Variants in DENND5B observed in about 807,000 individuals in gnomAD.
The protein encoded by DENND5B is DENN domain-containing protein 5B.
A neutral mutation model predicts 140.6 loss-of-function variants in DENND5B; 34 were observed. The observed-to-expected ratio is 0.24, with a 90% CI of 0.18 to 0.32. The LOEUF (loss-of-function observed/expected upper bound fraction) is 0.32, where lower values mean the gene tolerates loss of function less well. Ranked by LOEUF, DENND5B falls within the 10% of genes least tolerant of loss-of-function variation. The pLI, the probability that DENND5B is intolerant of heterozygous loss-of-function variation, is 1.00. For missense variants in DENND5B, 1,142 were observed against 1,560.2 expected, an observed-to-expected ratio of 0.73 and a Z score of 4.52; for synonymous variants, 551 against 562.1, an observed-to-expected ratio of 0.98 and a Z score of 0.28.
intron 5 of DENND5B, among the ~76,000 whole-genome samples, chr12:31,448,614 C>T (rs61930288): frequency 6.6e-6 from 1 of 152,184 alleles, no homozygotes; most frequent in African/African-American, 2.4e-5. Context: ...CTTTTCTAGA[C>T]TCTTTAACTC....
rs201870551 is a variant in DENND5B, at chr12:31,411,661, G to GA, written c.2681+1774dup. Reference sequence around the variant, plus strand: ...CCCAGCCAATAACTTTTTGTAATTGGAAAAAAAAACCACGCCAGTTTTAAG... The same window carrying GA: ...CCCAGCCAATAACTTTTTGTAATTGGAAAAAAAAAACCACGCCAGTTTTAAG... On this transcript the variant is annotated intron_variant, in intron 13 of 20. Transcript: ENST00000389082. 7.4e-5 allele frequency among the ~76,000 whole-genome samples: 11 copies of GA among 149,210 alleles called. No homozygotes were observed. The East Asian group carries it at 7.9e-4, about 11-fold the overall frequency.
intron 1 of DENND5B, among the ~76,000 whole-genome samples, chr12:31,580,273 T>C (rs976219206): frequency 6.6e-6 from 1 of 152,148 alleles, no homozygotes; most frequent in Non-Finnish European, 1.5e-5. Flanking sequence ...TGCTTGCATA[T>C]ACCTGGTAAA....
intron 14 of DENND5B, among the ~76,000 whole-genome samples, chr12:31,403,380 CTTTTT>C: frequency 7.6e-6 from 1 of 132,062 alleles, no homozygotes; most frequent in Non-Finnish European, 1.8e-5. Flanking sequence ...GTCCTCCCTT[CTTTTT>C]TTTTCTTTTT....
intron 1 of DENND5B, among the ~76,000 whole-genome samples, chr12:31,559,809 C>T (rs189269686): frequency 6.3e-4 from 96 of 152,004 alleles, no homozygotes; most frequent in Middle Eastern, 3.4e-3. Flanking sequence ...TTCACTCTGA[C>T]CTTGAGTCTA....
At chr12:31,475,995 G>A (rs1279453927) in intron 3 of DENND5B, among the ~76,000 whole-genome samples, 1 of 152,094 alleles carries the variant, frequency 6.6e-6, no homozygotes, top group South Asian at 2.1e-4. Flanking sequence ...GCATGGTGGT[G>A]CGCGCCTGTA....
intron 7 of DENND5B, among the ~76,000 whole-genome samples, chr12:31,439,284 A>G (rs376913238): frequency 2.0e-5 from 3 of 152,200 alleles, no homozygotes; most frequent in Admixed American, 6.5e-5. Flanking sequence ...TCTCTTGACT[A>G]TATCTACCTG....
rs1163390141 is a variant in DENND5B at position 31,387,409 on chromosome 12, CTA to C, written c.*192_*193del. The C allele has an allele frequency of 1.9e-6, 1 of 514,424 alleles. No homozygotes were observed. Among genetic ancestry groups the C allele is most frequent in the Non-Finnish European group, 3.4e-6 (1 of 292,700 alleles). 31.9% of individuals were successfully genotyped at this position (514,424 alleles called of 1,614,324 possible). A position where few individuals can be genotyped will look rare whatever the true frequency, so the allele number is the denominator to read the frequency against. On this transcript the variant is annotated 3_prime_UTR_variant, in exon 21 of 21. Coordinates refer to ENST00000389082, the MANE Select transcript of DENND5B (RefSeq NM_144973.4). Reference sequence around the variant, plus strand: ...CACACATCTAACACATGAAAATACTCTATTTTATACTAAATTCCAGGTTCAAA... The same window carrying C: ...CACACATCTAACACATGAAAATACTCTTTTATACTAAATTCCAGGTTCAAA...
chr12:31,442,783 G>A lies in DENND5B; in HGVS notation c.2004C>T (p.Thr668=). The change falls in exon 7 of 21, where the codon ACC becomes ACT. Residue 668 remains threonine, a synonymous_variant. Coordinates refer to ENST00000389082, the MANE Select transcript of DENND5B (RefSeq NM_144973.4). ...GTGAAGAACATGCTTACTTGTTACT[G>A]GTTGGTCCTGTTGCCAAGACATCGG... is the stretch of plus-strand genomic sequence containing the variant. ...LQSDVLATGP[T]SNNRWVSRSA... is the part of the protein sequence containing the mutation. 1 of 1,613,300 alleles carries A rather than the reference G, an allele frequency of 6.2e-7. No homozygotes were observed. Among genetic ancestry groups the A allele is most frequent in the Non-Finnish European group, 8.5e-7 (1 of 1,179,654 alleles).
chr12:31,496,024 G>T, intron 1 of DENND5B, 105 bp from the exon 2 acceptor site: 1 of 695,528 alleles, frequency 1.4e-6, no homozygotes, highest in Middle Eastern at 3.7e-4. Context: ...GTTGAGATCT[G>T]ATTCAATTTC....
chr12:31,562,376 G>A (rs983328829), intron 1 of DENND5B, among the ~76,000 whole-genome samples: 5 of 152,316 alleles, frequency 3.3e-5, no homozygotes, highest in East Asian at 3.9e-4. Context: ...TTGGGAGGCC[G>A]AGGCAGGCGG....
chr12:31,533,959 G>C lies in DENND5B; in HGVS notation c.128-38040C>G, dbSNP rs1948390582. Among the ~76,000 whole-genome samples, 4 of 151,328 alleles carry C rather than the reference G, an allele frequency of 2.6e-5. No homozygotes were observed. In the South Asian group the frequency reaches 8.4e-4, roughly 32 times the overall value. On this transcript the variant is annotated intron_variant, in intron 1 of 20. Transcript: ENST00000389082. ...TTAGTTCTTCTGGTTTAAAATGAAAGTAACTGGCTATGGTAATGTAGAGAA... is the reference window on the plus strand; with the variant it reads ...TTAGTTCTTCTGGTTTAAAATGAAACTAACTGGCTATGGTAATGTAGAGAA...
intron 1 of DENND5B, among the ~76,000 whole-genome samples, chr12:31,560,252 C>G (rs1949427801): frequency 1.3e-5 from 2 of 152,216 alleles, no homozygotes; most frequent in Non-Finnish European, 1.5e-5. Context: ...CCAACCTATG[C>G]AACCCATACT....
chr12:31,414,245 G>GT (rs1565555811), intron 12 of DENND5B, among the ~76,000 whole-genome samples: 1 of 152,108 alleles, frequency 6.6e-6, no homozygotes, highest in Non-Finnish European at 1.5e-5. Context: ...CCCATACATT[G>GT]TAAGAGTTGA....
intron 1 of DENND5B, among the ~76,000 whole-genome samples, chr12:31,523,964 T>C (rs1947995121): frequency 2.0e-5 from 3 of 152,060 alleles, no homozygotes; most frequent in Admixed American, 2.0e-4. Context: ...TCTACCATAT[T>C]AAAGTAAATG....
chr12:31,450,067 G>A (rs1944447439), intron 5 of DENND5B, among the ~76,000 whole-genome samples: 2 of 152,172 alleles, frequency 1.3e-5, no homozygotes, highest in Non-Finnish European at 2.9e-5. Context: ...AAAAAGTATG[G>A]AAAATGGTTA....
intron 1 of DENND5B, among the ~76,000 whole-genome samples, chr12:31,526,520 T>A (rs1463615630): frequency 6.6e-6 from 1 of 152,226 alleles, no homozygotes; most frequent in African/African-American, 2.4e-5. Context: ...ACGATGTGAA[T>A]GCTGAGGCAT....
intron 2 of DENND5B, among the ~76,000 whole-genome samples, chr12:31,495,214 T>G (rs1946709634): frequency 6.6e-6 from 1 of 152,172 alleles, no homozygotes; most frequent in Admixed American, 6.5e-5. Context: ...TTATCAAAGC[T>G]TCTACATATT....
intron 15 of DENND5B, among the ~76,000 whole-genome samples, chr12:31,400,850 G>GTTT (rs35592936): frequency 4.9e-5 from 7 of 142,790 alleles, no homozygotes; most frequent in Non-Finnish European, 9.1e-5. Flanking sequence ...TTTTTTTTTT[G>GTTT]TTTTTTTTTT....
At chr12:31,538,501 C>A (rs1565675789) in intron 1 of DENND5B, among the ~76,000 whole-genome samples, 1 of 152,014 alleles carries the variant, frequency 6.6e-6, no homozygotes, top group Admixed American at 6.6e-5. Context: ...CTCAAATAAA[C>A]AACTATTTAA....
Sources: allele counts gnomAD v4.1 joint callset (sites outside exome capture counted in the v4.1 genomes callset), GRCh38; gene constraint gnomAD v4.1.1; transcripts MANE v1.5; gene names NCBI Gene and HGNC (gene_info 2026-07-23, HGNC 2026-07-21).